Variants in ELMO1 observed in about 807,000 individuals in gnomAD.
ELMO1 encodes the protein engulfment and cell motility 1.
ELMO1 carries 26 observed loss-of-function variants against 98.9 expected under a neutral mutation model. That is an observed-to-expected ratio of 0.26 (90% CI 0.19 to 0.36). The LOEUF (loss-of-function observed/expected upper bound fraction) is 0.36, where lower values mean the gene tolerates loss of function less well. Ranked by LOEUF, ELMO1 falls within the 10% of genes least tolerant of loss-of-function variation. The pLI, the probability that ELMO1 is intolerant of heterozygous loss-of-function variation, is 1.00. For synonymous variants in ELMO1, 346 were observed against 346.0 expected (o/e 1.00, Z 0.00); for missense variants, 627 against 935.2 (o/e 0.67, Z 4.30).
At chr7:37,444,925 G>A (rs550835409) in intron 1 of ELMO1, among the ~76,000 whole-genome samples, 43 of 152,216 alleles carry the variant, frequency 2.8e-4, no homozygotes, top group Non-Finnish European at 5.3e-4. Context: ...TTGTTAAAAG[G>A]AGATAGCTAA....
intron 14 of ELMO1, among the ~76,000 whole-genome samples, chr7:37,129,148 C>T (rs1786729999): frequency 6.6e-6 from 1 of 151,854 alleles, no homozygotes; most frequent in South Asian, 2.1e-4. Flanking sequence ...ACAAAGGCTA[C>T]TATGGTGGTG....
chr7:37,357,947 G>T (rs1801554079), intron 1 of ELMO1, among the ~76,000 whole-genome samples: 1 of 152,216 alleles, frequency 6.6e-6, no homozygotes, highest in Non-Finnish European at 1.5e-5. Flanking sequence ...ATGGCAGTCT[G>T]TGGTGCATAT....
intron 15 of ELMO1, among the ~76,000 whole-genome samples, chr7:37,095,218 T>A (rs1300320767): frequency 6.6e-6 from 1 of 152,222 alleles, no homozygotes; most frequent in East Asian, 1.9e-4. Flanking sequence ...GGTCCAGACA[T>A]GTTTTCCAGC....
chr7:36,883,100 A>C (rs1485781717), intron 18 of ELMO1, among the ~76,000 whole-genome samples: 2 of 152,216 alleles, frequency 1.3e-5, no homozygotes, highest in Non-Finnish European at 2.9e-5. Flanking sequence ...GGGGGCCTCC[A>C]GAGCAACGTA....
intron 1 of ELMO1, among the ~76,000 whole-genome samples, chr7:37,365,049 T>G (rs1410125264): frequency 6.6e-6 from 1 of 152,190 alleles, no homozygotes; most frequent in African/African-American, 2.4e-5. Flanking sequence ...CATCTGAGCC[T>G]GCGGAGAATG....
chr7:36,868,348 C>CTTCTTT (rs754978396), intron 20 of ELMO1, among the ~76,000 whole-genome samples: 1 of 140,630 alleles, frequency 7.1e-6, no homozygotes. Flanking sequence ...TCTTCTTCTT[C>CTTCTTT]TTTTTTTTTT....
chr7:37,194,564 T>C (rs1299636175), intron 13 of ELMO1, among the ~76,000 whole-genome samples: 1 of 152,188 alleles, frequency 6.6e-6, no homozygotes, highest in Non-Finnish European at 1.5e-5. Flanking sequence ...TTTCTTAACT[T>C]ACAAATTATC....
At chr7:37,441,258 T>C (rs1805405477) in intron 1 of ELMO1, among the ~76,000 whole-genome samples, 2 of 149,574 alleles carry the variant, frequency 1.3e-5, no homozygotes, top group Non-Finnish European at 3.0e-5. Flanking sequence ...ACCCAGCATA[T>C]TTCTACGGCA....
intron 13 of ELMO1, among the ~76,000 whole-genome samples, chr7:37,173,350 C>T (rs1790296167): frequency 6.6e-6 from 1 of 151,802 alleles, no homozygotes; most frequent in Non-Finnish European, 1.5e-5. Context: ...AGAAAAAGGA[C>T]CATTGAGGGA....
At chr7:37,072,854 T>C (rs1797355325) in intron 15 of ELMO1, among the ~76,000 whole-genome samples, 1 of 152,212 alleles carries the variant, frequency 6.6e-6, no homozygotes, top group Non-Finnish European at 1.5e-5. Flanking sequence ...TGTCAAAAAA[T>C]GTTTAACCTT....
At chr7:37,189,807 C>T (rs763742854) in intron 13 of ELMO1, among the ~76,000 whole-genome samples, 8 of 152,110 alleles carry the variant, frequency 5.3e-5, no homozygotes, top group South Asian at 4.1e-4. Flanking sequence ...CCACATCATA[C>T]GATAATTTAT....
chr7:37,239,854 T>A (rs557006876), intron 7 of ELMO1, among the ~76,000 whole-genome samples: 2 of 152,200 alleles, frequency 1.3e-5, no homozygotes, highest in Non-Finnish European at 2.9e-5. Flanking sequence ...TGGAGAGTAC[T>A]GAAAGCTGCT....
At chr7:37,029,106 G>A (rs773528983) in intron 15 of ELMO1, among the ~76,000 whole-genome samples, 17 of 152,256 alleles carry the variant, frequency 1.1e-4, no homozygotes, top group Admixed American at 6.5e-5. Context: ...CCAGACGTAC[G>A]TGCAGGAGGC....
intron 15 of ELMO1, among the ~76,000 whole-genome samples, chr7:37,053,835 T>G (rs1222684771): frequency 6.6e-6 from 1 of 152,160 alleles, no homozygotes; most frequent in African/African-American, 2.4e-5. Context: ...GTCTATAGAA[T>G]TTGATATGTT....
chr7:37,216,432 A>T (rs1228056874), intron 11 of ELMO1, among the ~76,000 whole-genome samples: 1 of 151,432 alleles, frequency 6.6e-6, no homozygotes, highest in African/African-American at 2.4e-5. Flanking sequence ...AGTTCCAGAA[A>T]CCCCTCCCTC....
At chr7:37,361,281 A>G (rs998759211) in intron 1 of ELMO1, among the ~76,000 whole-genome samples, 1 of 152,250 alleles carries the variant, frequency 6.6e-6, no homozygotes, top group African/African-American at 2.4e-5. Context: ...CGTCATCCAT[A>G]CAATGGAAGA....
chr7:36,867,232 A>G (rs1803103105), intron 20 of ELMO1, among the ~76,000 whole-genome samples: 1 of 152,022 alleles, frequency 6.6e-6, no homozygotes, highest in Non-Finnish European at 1.5e-5. Context: ...CATCCATCCT[A>G]TGTTTTATGA....
Position 37,133,243 on chromosome 7 carries a change from A to G in ELMO1, c.1087-9T>C. The G allele has an allele frequency of 6.3e-7, 1 of 1,599,308 alleles. No homozygotes were observed. Among genetic ancestry groups the G allele is most frequent in the Non-Finnish European group, 8.5e-7 (1 of 1,170,520 alleles). ...GCAGGGTTGACATGATTCTGTGAGTAAAACAAAATCATGATAAGGTGAATT... is the reference window on the plus strand; with the variant it reads ...GCAGGGTTGACATGATTCTGTGAGTGAAACAAAATCATGATAAGGTGAATT... On this transcript the variant is annotated splice_polypyrimidine_tract_variant and intron_variant, in intron 13 of 21. Coordinates refer to ENST00000310758, the MANE Select transcript of ELMO1 (RefSeq NM_014800.11).
At chr7:36,948,052 G>A (rs1787650229) in intron 16 of ELMO1, among the ~76,000 whole-genome samples, 1 of 152,204 alleles carries the variant, frequency 6.6e-6, no homozygotes, top group Admixed American at 6.5e-5. Flanking sequence ...CAACTCCTAT[G>A]TCGGTTCCTA....
Sources: gnomAD v4.1 joint callset for allele counts (sites outside exome capture counted in the v4.1 genomes callset) on GRCh38, gnomAD v4.1.1 for gene constraint, MANE v1.5 for transcripts, NCBI Gene and HGNC (gene_info 2026-07-23, HGNC 2026-07-21) for gene names.